RFX3: variants seen among roughly 807,000 people sequenced by gnomAD.
RFX3 encodes the protein regulatory factor X3, also known as transcription factor RFX3.
A neutral mutation model predicts 98.6 loss-of-function variants in RFX3; 14 were observed. That is an observed-to-expected ratio of 0.14 (90% CI 0.09 to 0.22). The LOEUF (loss-of-function observed/expected upper bound fraction) is 0.22. Ranked by LOEUF, RFX3 falls within the 10% of genes least tolerant of loss-of-function variation. The pLI, the probability that RFX3 is intolerant of heterozygous loss-of-function variation, is 1.00. For missense variants in RFX3, 639 were observed against 926.9 expected (o/e 0.69, Z 4.03); for synonymous variants, 383 against 328.4 (o/e 1.17, Z -1.80).
rs539891071 is a variant in RFX3, at chr9:3,312,623, G to A, written c.475-11003C>T. ...TTGAGGTTCCAAGATGGCCGAATAG[G>A]AACAGCTCCAGTCTGCAGCTCCCAT... On this transcript the variant is annotated intron_variant, in intron 4 of 16. Coordinates refer to ENST00000617270, the MANE Select transcript of RFX3 (RefSeq NM_001282116.2). 1.7e-3 allele frequency among the ~76,000 whole-genome samples: 253 copies of A among 151,700 alleles called. 2 individuals are homozygous for A. The highest frequency in any genetic ancestry group is 3.4e-3 in the Middle Eastern group (1 of 292).
intron 1 of RFX3, among the ~76,000 whole-genome samples, chr9:3,485,993 G>T (rs550364840): frequency 5.3e-5 from 8 of 151,688 alleles, no homozygotes; most frequent in Admixed American, 2.0e-4. Context: ...GCATGGTGGC[G>T]CATTGCCTGT....
At chr9:3,461,620 AGTT>A (rs1173660504) in intron 1 of RFX3, among the ~76,000 whole-genome samples, 14 of 152,100 alleles carry the variant, frequency 9.2e-5, no homozygotes, top group Middle Eastern at 3.4e-3. Context: ...ACCACTGACA[AGTT>A]GTTAAGCTGA....
At chr9:3,473,298 T>C (rs1334370812) in intron 1 of RFX3, among the ~76,000 whole-genome samples, 1 of 152,230 alleles carries the variant, frequency 6.6e-6, no homozygotes, top group Non-Finnish European at 1.5e-5. Context: ...TTTGGTGTCA[T>C]AATAACAGGC....
At chr9:3,347,559 C>T (rs190706087) in intron 2 of RFX3, among the ~76,000 whole-genome samples, 69 of 152,174 alleles carry the variant, frequency 4.5e-4, no homozygotes, top group African/African-American at 1.5e-3. Context: ...TGCGGTGGCT[C>T]ACCCCTGTAA....
At chr9:3,278,133 T>G (rs191825138) in intron 7 of RFX3, among the ~76,000 whole-genome samples, 2 of 151,890 alleles carry the variant, frequency 1.3e-5, no homozygotes, top group Non-Finnish European at 2.9e-5. Flanking sequence ...TCATACAAAC[T>G]TATGTATTTT....
At chr9:3,385,146 G>C (rs930539010) in intron 2 of RFX3, among the ~76,000 whole-genome samples, 1 of 152,126 alleles carries the variant, frequency 6.6e-6, no homozygotes, top group East Asian at 1.9e-4. Context: ...AAAAGGGTAG[G>C]TGCTCTGTTT....
Position 3,442,538 on chromosome 9 carries a change from A to C in RFX3, c.-8-46942T>G, listed in dbSNP as rs1003307172. Among the ~76,000 whole-genome samples the C allele has an allele frequency of 3.9e-5, 6 of 152,318 alleles. No individual in the cohort carries two copies. The East Asian group carries it at 9.6e-4, about 24-fold the overall frequency. On this transcript the variant is annotated intron_variant, in intron 1 of 16. Coordinates refer to ENST00000617270, the MANE Select transcript of RFX3 (RefSeq NM_001282116.2). ...ATGTAGAATCCTGGAACAGAAACAG[A>C]TATTAGTGGAAAAACTGATGAAATC...
chr9:3,377,282 A>G (rs1838650601), intron 2 of RFX3, among the ~76,000 whole-genome samples: 1 of 152,242 alleles, frequency 6.6e-6, no homozygotes. Flanking sequence ...GGATGAGTTC[A>G]TGTCCTTTGT....
At chr9:3,270,109 A>AGAAAGAAAGAAAGAAAG in intron 11 of RFX3, among the ~76,000 whole-genome samples, 1 of 146,726 alleles carries the variant, frequency 6.8e-6, no homozygotes, top group Non-Finnish European at 1.5e-5. Flanking sequence ...AAAGAAAGAA[A>AGAAAGAAAGAAAGAAAG]GAAAGAAAGA....
chr9:3,312,645 C>T (rs1027421138), intron 4 of RFX3, among the ~76,000 whole-genome samples: 1 of 151,878 alleles, frequency 6.6e-6, no homozygotes, highest in Non-Finnish European at 1.5e-5. Flanking sequence ...TCTGCAGCTC[C>T]CATTGTGAGC....
At chr9:3,309,750 T>C (rs1371097125) in intron 4 of RFX3, among the ~76,000 whole-genome samples, 1 of 152,198 alleles carries the variant, frequency 6.6e-6, no homozygotes, top group Non-Finnish European at 1.5e-5. Context: ...TAAGGGAACA[T>C]ATTTTTCCTA....
chr9:3,399,848 C>A (rs1185605171), intron 1 of RFX3, among the ~76,000 whole-genome samples: 1 of 151,396 alleles, frequency 6.6e-6, no homozygotes, highest in Admixed American at 6.6e-5. Context: ...ACTCAGGAGG[C>A]TGCAGCAGGA....
intron 1 of RFX3, among the ~76,000 whole-genome samples, chr9:3,432,683 A>T (rs1844759228): frequency 6.6e-6 from 1 of 152,206 alleles, no homozygotes; most frequent in African/African-American, 2.4e-5. Flanking sequence ...TATGACTTGA[A>T]TTCCTTGAGT....
In RFX3 at chr9:3,262,994, T is replaced by C. The variant is rs1563821906; in HGVS notation, c.1546A>G (p.Thr516Ala). The change falls in exon 13 of 17, where the codon ACT (threonine) becomes GCT (alanine). Residue 516 changes from threonine to alanine, a missense_variant. By Grantham distance (58) the Thr-to-Ala change is moderately conservative. Transcript: ENST00000617270. ...AQAARAVLQN[T>A]SQINQMLSDL... ...CTAAGCATCTGGTTGATTTGGGAAG[T>C]GTTCTGAAGCACTGCACGAGCTGCC... 1.2e-6 allele frequency: 2 copies of C among 1,613,832 alleles called. No homozygotes were observed. The highest frequency in any genetic ancestry group is 1.7e-6 in the Non-Finnish European group (2 of 1,179,786).
intron 1 of RFX3, among the ~76,000 whole-genome samples, chr9:3,409,432 C>A (rs989502672): frequency 6.6e-6 from 1 of 152,008 alleles, no homozygotes; most frequent in East Asian, 1.9e-4. Flanking sequence ...AATTCTACTG[C>A]GAAATATCAG....
Position 3,353,719 on chromosome 9 carries a change from G to A in RFX3, c.118-6955C>T, listed in dbSNP as rs189649582. On this transcript the variant is annotated intron_variant, in intron 2 of 16. Coordinates refer to ENST00000617270, the MANE Select transcript of RFX3 (RefSeq NM_001282116.2). ...GACTACCCAAAACAAAATGTAATAT[G>A]TTTAAAGGAAGACAGCAAAATCCAG... is the stretch of plus-strand genomic sequence containing the variant. 1.2e-3 allele frequency among the ~76,000 whole-genome samples: 183 copies of A among 152,130 alleles called. 1 individual carries two copies. In the Middle Eastern group the frequency reaches 0.014, roughly 11 times the overall value.
At chr9:3,477,637 T>C (rs756723199) in intron 1 of RFX3, among the ~76,000 whole-genome samples, 2 of 152,200 alleles carry the variant, frequency 1.3e-5, no homozygotes, top group African/African-American at 4.8e-5. Flanking sequence ...TGGATCACTT[T>C]GGGCTTATTC....
At chr9:3,469,151 T>C (rs1047132025) in intron 1 of RFX3, 9 of 455,590 alleles carry the variant, frequency 2.0e-5, no homozygotes, top group Middle Eastern at 3.2e-4. Flanking sequence ...GTTCATTTAT[T>C]TAACAAAAAG....
intron 4 of RFX3, among the ~76,000 whole-genome samples, chr9:3,313,060 T>G (rs985816444): frequency 6.6e-6 from 1 of 152,184 alleles, no homozygotes; most frequent in African/African-American, 2.4e-5. Context: ...ACGGACAGAT[T>G]GCCTCCTCAA....
Sources: allele counts gnomAD v4.1 joint callset (sites outside exome capture counted in the v4.1 genomes callset), GRCh38; gene constraint gnomAD v4.1.1; transcripts MANE v1.5; gene names NCBI Gene and HGNC (gene_info 2026-07-23, HGNC 2026-07-21).